Variants in CHST5 observed in about 807,000 individuals in gnomAD.
CHST5 encodes GST4-alpha.
For missense variants in CHST5, 637 were observed against 602.1 expected, an observed-to-expected ratio of 1.06 and a Z score of -0.61; for synonymous variants, 313 against 279.2, an observed-to-expected ratio of 1.12 and a Z score of -1.21.
chr16:75,532,071 A>G (rs561087262), intron 3 of CHST5, among the ~76,000 whole-genome samples: 2 of 152,240 alleles, frequency 1.3e-5, no homozygotes, highest in African/African-American at 4.8e-5. Flanking sequence ...GCAAACACCT[A>G]TGAGGGGAGG....
chr16:75,529,034 T>C lies in CHST5; in HGVS notation c.*115A>G. 1 of 1,181,616 alleles carries C rather than the reference T, an allele frequency of 8.5e-7. No homozygotes were observed. Among genetic ancestry groups the C allele is most frequent in the Admixed American group, 3.0e-5 (1 of 33,578 alleles). 73.2% of individuals were successfully genotyped at this position (1,181,616 alleles called of 1,614,324 possible). ...CCTACTTCAGGGGAGGACCCCAAAC[T>C]CCCGGTTGATAGTAGGGACCTGCTT... On this transcript the variant is annotated 3_prime_UTR_variant, in exon 4 of 4. Coordinates refer to ENST00000336257, the MANE Select transcript of CHST5 (RefSeq NM_024533.5).
In CHST5 at chr16:75,529,601, G is replaced by T. The variant is rs1281621113; in HGVS notation, c.784C>A (p.Arg262Ser). 3 of 1,610,544 alleles carry T rather than the reference G, an allele frequency of 1.9e-6. No homozygotes were observed. The African/African-American group carries it at 4.0e-5, about 22-fold the overall frequency. ...GKWVEADPHLRLIREVCRSHV... is the reference protein window; with the variant it reads ...GKWVEADPHLSLIREVCRSHV... ...CTGCGGCACACCTCGCGAATCAGGC[G>T]CAGGTGAGGGTCGGCCTCCACCCAC... The change falls in exon 4 of 4, where the codon CGC becomes AGC. Residue 262 changes from arginine (R) to serine (S), a missense_variant. Physicochemically the swap from Arg to Ser is moderately radical, Grantham distance 110. Coordinates refer to ENST00000336257, the MANE Select transcript of CHST5 (RefSeq NM_024533.5).
rs1597026597 is a variant in CHST5, at chr16:75,530,089, C to G, written c.296G>C (p.Trp99Ser). The change falls in exon 4 of 4, where the codon TGG becomes TCG. Residue 99 changes from tryptophan (W) to serine (S), a missense_variant. Physicochemically the swap from Trp to Ser is radical, Grantham distance 177. Coordinates refer to ENST00000336257, the MANE Select transcript of CHST5 (RefSeq NM_024533.5). Reference sequence around the variant, plus strand: ...CGCGCTGCCCTGCGACAGGGTGGTCCACACATGCCACGCGGGCTCCATCAG... The same window carrying G: ...CGCGCTGCCCTGCGACAGGGTGGTCGACACATGCCACGCGGGCTCCATCAG... ...FYLMEPAWHV[W>S]TTLSQGSAAT... 4 of 1,613,452 alleles carry G rather than the reference C, an allele frequency of 2.5e-6. No individual in the cohort carries two copies. The East Asian group carries it at 8.9e-5, about 36-fold the overall frequency.
chr16:75,531,341 C>T lies in CHST5; in HGVS notation c.-957G>A. 1 of 834,284 alleles carries T rather than the reference C, an allele frequency of 1.2e-6. No homozygotes were observed. The highest frequency in any genetic ancestry group is 1.5e-6 in the Non-Finnish European group (1 of 681,402). 51.7% of individuals were successfully genotyped at this position (834,284 alleles called of 1,614,324 possible). On this transcript the variant is annotated 5_prime_UTR_variant, in exon 4 of 4. Transcript: ENST00000336257. Reference sequence around the variant, plus strand: ...GTTTCAAAAAAAAAAAAAAAAACAACAAAAAAAAAACTTTTGTCATTAAAG... The same window carrying T: ...GTTTCAAAAAAAAAAAAAAAAACAATAAAAAAAAAACTTTTGTCATTAAAG...
Position 75,531,619 on chromosome 16 carries a change from T to C in CHST5, c.-1235A>G. 7.7e-7 allele frequency: 1 copy of C among 1,303,986 alleles called. No individual in the cohort carries two copies. Among genetic ancestry groups the C allele is most frequent in the Non-Finnish European group, 1.0e-6 (1 of 988,844 alleles). The allele number at this position is 1,303,986 out of a possible 1,614,324, so 80.8% of individuals were successfully genotyped here. On this transcript the variant is annotated 5_prime_UTR_variant, in exon 4 of 4. Transcript: ENST00000336257. ...GGAGAGCTGCAACGCTGATCACAAA[T>C]CCATGGGAGATGTCTCGACATCTGG...
rs1364965283 is a variant in CHST5, at chr16:75,529,070, C to T, written c.*79G>A. The T allele has an allele frequency of 2.1e-6, 3 of 1,459,060 alleles. No homozygotes were observed. Among genetic ancestry groups the T allele is most frequent in the Non-Finnish European group, 2.7e-6 (3 of 1,099,448 alleles). The allele number at this position is 1,459,060 out of a possible 1,614,324, so 90.4% of individuals were successfully genotyped here. A position where few individuals can be genotyped will look rare whatever the true frequency, so the allele number is the denominator to read the frequency against. ...AGTAGGGACCTGCTTCCCCATGCGC[C>T]CCAGCTCCCTCTCCACCATGCAGTC... On this transcript the variant is annotated 3_prime_UTR_variant, in exon 4 of 4. Coordinates refer to ENST00000336257, the MANE Select transcript of CHST5 (RefSeq NM_024533.5).
chr16:75,531,320 C>CAAAAAAAAAAA lies in CHST5; in HGVS notation c.-947_-937dup. On this transcript the variant is annotated 5_prime_UTR_variant, in exon 4 of 4. The change creates a premature stop within an existing upstream ORF in the 5' untranslated region. Coordinates refer to ENST00000336257, the MANE Select transcript of CHST5 (RefSeq NM_024533.5). ...CTGAGTGAAGAGTGAGACTCCGTTT[C>CAAAAAAAAAAA]AAAAAAAAAAAAAAAAACAACAAAA... 1 of 737,690 alleles carries CAAAAAAAAAAA rather than the reference C, an allele frequency of 1.4e-6. No homozygotes were observed. The allele number at this position is 737,690 out of a possible 1,614,324, so 45.7% of individuals were successfully genotyped here. A position where few individuals can be genotyped will look rare whatever the true frequency, so the allele number is the denominator to read the frequency against.
intron 3 of CHST5, among the ~76,000 whole-genome samples, 192 bp from the exon 4 acceptor site, chr16:75,531,832 C>A (rs1198081869): frequency 6.6e-6 from 1 of 152,180 alleles, no homozygotes; most frequent in Non-Finnish European, 1.5e-5. Flanking sequence ...CACCACCAGG[C>A]TTGCTGAGGT....
intron 3 of CHST5, among the ~76,000 whole-genome samples, chr16:75,532,669 C>T (rs564910218): frequency 6.6e-6 from 1 of 152,216 alleles, no homozygotes; most frequent in African/African-American, 2.4e-5. Context: ...AGTAGCCCCC[C>T]ACCTCCGCTA....
chr16:75,530,401 T>C lies in CHST5; in HGVS notation c.-17A>G. The C allele has an allele frequency of 6.7e-7, 1 of 1,500,828 alleles. No individual in the cohort carries two copies. Among genetic ancestry groups the C allele is most frequent in the South Asian group, 1.3e-5 (1 of 74,808 alleles). 93.0% of individuals were successfully genotyped at this position (1,500,828 alleles called of 1,614,324 possible). On this transcript the variant is annotated 5_prime_UTR_variant, in exon 4 of 4. Coordinates refer to ENST00000336257, the MANE Select transcript of CHST5 (RefSeq NM_024533.5). ...CATGCCCATCCCATGCCCCAATTAC[T>C]GCCCAGTGCCCTCAGGGATCAGCCC...
In CHST5 at chr16:75,530,280, G is replaced by T. The variant is rs991347154; in HGVS notation, c.105C>A (p.Leu35=). The T allele has an allele frequency of 5.0e-6, 8 of 1,612,702 alleles. No individual in the cohort carries two copies. Among genetic ancestry groups the T allele is most frequent in the Non-Finnish European group, 5.9e-6 (7 of 1,179,718 alleles). The part of the protein sequence containing the change: ...PRFSSKTVTV[L]LLAQTTCLLL... ...GGAGGCAGGTGGTCTGTGCCAGGAG[G>T]AGCACTGTCACTGTCTTGCTGGAGA... The change falls in exon 4 of 4, where the codon CTC becomes CTA. Residue 35 remains leucine (L), a synonymous_variant. Coordinates refer to ENST00000336257, the MANE Select transcript of CHST5 (RefSeq NM_024533.5).
chr16:75,534,407 G>A (rs1280786790), intron 2 of CHST5, among the ~76,000 whole-genome samples: 1 of 152,134 alleles, frequency 6.6e-6, no homozygotes, highest in African/African-American at 2.4e-5. Flanking sequence ...AGCACTTTGG[G>A]AGCCTCAGCG....
At position 75,528,802 on chromosome 16, in the gene CHST5, C is replaced by T. The variant is rs958024672; in HGVS notation, c.*347G>A. 7 of 190,012 alleles carry T rather than the reference C, an allele frequency of 3.7e-5. No homozygotes were observed. The East Asian group carries it at 5.3e-4, about 14-fold the overall frequency. 11.8% of individuals were successfully genotyped at this position (190,012 alleles called of 1,614,324 possible). ...ACCTCAGGTGATCCACCCGCCTCAG[C>T]CTCTCAAAATGCTGGGATTACAGGC... On this transcript the variant is annotated 3_prime_UTR_variant, in exon 4 of 4. Coordinates refer to ENST00000336257, the MANE Select transcript of CHST5 (RefSeq NM_024533.5).
Position 75,531,561 on chromosome 16 carries a change from G to T in CHST5, c.-1177C>A. 7.7e-7 allele frequency: 1 copy of T among 1,303,790 alleles called. No individual in the cohort carries two copies. The highest frequency in any genetic ancestry group is 1.2e-5 in the South Asian group (1 of 81,008). The allele number at this position is 1,303,790 out of a possible 1,614,324, so 80.8% of individuals were successfully genotyped here. A position where few individuals can be genotyped will look rare whatever the true frequency, so the allele number is the denominator to read the frequency against. On this transcript the variant is annotated 5_prime_UTR_variant, in exon 4 of 4. It adds an upstream start codon to the 5' untranslated region. Coordinates refer to ENST00000336257, the MANE Select transcript of CHST5 (RefSeq NM_024533.5). ...TGAGAGCAGAGTACTGTCCTGGCCA[G>T]CTGAGGGGACTCACCACCGTCCAGG...
rs1244649179 is a variant in CHST5, at chr16:75,530,849, C to T, written c.-465G>A. ...TCACTTAAATCTCTCTGTGACGGAT[C>T]ACTTTACCCGTGTGTGAAAGAGGGA... is the stretch of plus-strand genomic sequence containing the variant. On this transcript the variant is annotated 5_prime_UTR_variant, in exon 4 of 4. Coordinates refer to ENST00000336257, the MANE Select transcript of CHST5 (RefSeq NM_024533.5). 1.0e-6 allele frequency: 1 copy of T among 997,890 alleles called. No homozygotes were observed. Among genetic ancestry groups the T allele is most frequent in the Non-Finnish European group, 1.2e-6 (1 of 825,030 alleles). 61.8% of individuals were successfully genotyped at this position (997,890 alleles called of 1,614,324 possible).
In CHST5 at chr16:75,536,063, G is replaced by A. The variant is rs1488570168; in HGVS notation, c.-1654C>T. Among the ~76,000 whole-genome samples, 1 of 152,192 alleles carries A rather than the reference G, an allele frequency of 6.6e-6. No individual in the cohort carries two copies. The highest frequency in any genetic ancestry group is 1.5e-5 in the Non-Finnish European group (1 of 68,016). On this transcript the variant is annotated 5_prime_UTR_variant, in exon 1 of 4. It adds an upstream start codon to the 5' untranslated region. Transcript: ENST00000336257. ...AGGCACCTTGATGACACAGGAATCC[G>A]TGCTGCCTCCCGGTGCAGTGTCCCA...
chr16:75,534,922 G>A (rs1419718785), intron 2 of CHST5, among the ~76,000 whole-genome samples: 1 of 152,202 alleles, frequency 6.6e-6, no homozygotes. Context: ...GCGTGCAGCC[G>A]AAGCCCCAGC....
Position 75,529,581 on chromosome 16 carries a change from G to A in CHST5, c.804C>T (p.Cys268=). The A allele has an allele frequency of 6.2e-7, 1 of 1,609,646 alleles. No homozygotes were observed. The highest frequency in any genetic ancestry group is 2.2e-5 in the East Asian group (1 of 44,810). ...CCTCGGCGATGCGCACGTGGCTGCG[G>A]CACACCTCGCGAATCAGGCGCAGGT... ...DPHLRLIREV[C]RSHVRIAEAA... The change falls in exon 4 of 4, where the codon TGC becomes TGT. Residue 268 remains cysteine (C), a synonymous_variant. Transcript: ENST00000336257.
intron 3 of CHST5, 31 bp downstream of exon 3, chr16:75,533,058 G>A: frequency 1.4e-6 from 1 of 694,592 alleles, no homozygotes. Flanking sequence ...GGGTAGGGAG[G>A]ATCTTGATCC....
Sources: allele counts gnomAD v4.1 joint callset (sites outside exome capture counted in the v4.1 genomes callset), GRCh38; gene constraint gnomAD v4.1.1; transcripts MANE v1.5; gene names NCBI Gene and HGNC (gene_info 2026-07-23, HGNC 2026-07-21).